Variants in KIF27 observed in about 807,000 individuals in gnomAD.
The protein encoded by KIF27 is kinesin family member 27.
A neutral mutation model predicts 141.8 loss-of-function variants in KIF27; 84 were observed. The observed-to-expected ratio is 0.59, with a 90% CI of 0.50 to 0.71. The LOEUF is 0.71. Among genes scored for constraint, KIF27 ranks in the 30% least tolerant of loss-of-function variants. The pLI, the probability that KIF27 is intolerant of heterozygous loss-of-function variation, is 0.00. For synonymous variants in KIF27, 471 were observed against 569.5 expected (o/e 0.83, Z 2.46); for missense variants, 1,306 against 1,628.4 (o/e 0.80, Z 3.41).
intron 3 of KIF27, 47 bp downstream of exon 3, chr9:83,908,405 C>T (rs754566273): frequency 1.5e-5 from 17 of 1,112,486 alleles, no homozygotes; most frequent in Non-Finnish European, 2.2e-5. Context: ...AGCATTAAAG[C>T]ATGTCTGTTT....
chr9:83,864,303 C>G (rs569380037), intron 13 of KIF27, among the ~76,000 whole-genome samples: 46 of 152,164 alleles, frequency 3.0e-4, no homozygotes, highest in African/African-American at 1.1e-3. Flanking sequence ...TTTCTCTTGT[C>G]GGCATTTAGT....
chr9:83,918,937 A>T (rs1419693210), intron 1 of KIF27, among the ~76,000 whole-genome samples: 1 of 152,146 alleles, frequency 6.6e-6, no homozygotes, highest in African/African-American at 2.4e-5. Flanking sequence ...TTAGACGGGC[A>T]TGGTGGTGGG....
intron 1 of KIF27, among the ~76,000 whole-genome samples, chr9:83,919,786 T>A (rs1588362533): frequency 6.6e-6 from 1 of 151,576 alleles, no homozygotes; most frequent in South Asian, 2.1e-4. Context: ...TCCCAGCTAC[T>A]CAGAAGGCTG....
At chr9:83,850,839 T>TC (rs1336394599) in intron 15 of KIF27, among the ~76,000 whole-genome samples, 2 of 112,306 alleles carry the variant, frequency 1.8e-5, no homozygotes, top group East Asian at 2.6e-4. Flanking sequence ...TCTTTTTTTT[T>TC]TTTTTTTTTT....
Position 83,835,580 on chromosome 9 carries a change from A to T in KIF27, c.*1421T>A, listed in dbSNP as rs1362863976. On this transcript the variant is annotated 3_prime_UTR_variant, in exon 18 of 18. Transcript: ENST00000297814. Reference sequence around the variant, plus strand: ...TGGTTTTTAGCAAGGAGACCAAGAAACTCTACTCCCTAGGGGCTAGCAATG... The same window carrying T: ...TGGTTTTTAGCAAGGAGACCAAGAATCTCTACTCCCTAGGGGCTAGCAATG... 3 of 152,106 alleles carry T rather than the reference A, an allele frequency of 2.0e-5. No homozygotes were observed. The highest frequency in any genetic ancestry group is 3.9e-4 in the East Asian group (2 of 5,188). 9.4% of individuals were successfully genotyped at this position (152,106 alleles called of 1,614,324 possible). A position where few individuals can be genotyped will look rare whatever the true frequency, so the allele number is the denominator to read the frequency against.
At chr9:83,873,095 T>A (rs1260965260) in intron 11 of KIF27, among the ~76,000 whole-genome samples, 1 of 152,152 alleles carries the variant, frequency 6.6e-6, no homozygotes, top group Non-Finnish European at 1.5e-5. Flanking sequence ...CCTAGTAGCC[T>A]CAGTAGGGGC....
intron 17 of KIF27, 162 bp from the exon 18 acceptor site, chr9:83,837,647 A>G (rs953882593): frequency 2.0e-4 from 111 of 552,752 alleles, no homozygotes; most frequent in Non-Finnish European, 2.0e-4. Context: ...ATGTGTGAAT[A>G]TGAATATTTT....
At chr9:83,885,621 GC>G (rs1952032487) in intron 9 of KIF27, among the ~76,000 whole-genome samples, 1 of 151,916 alleles carries the variant, frequency 6.6e-6, no homozygotes, top group Non-Finnish European at 1.5e-5. Context: ...AATATACAGT[GC>G]CAATTACAAC....
chr9:83,846,301 G>T (rs1947266479), intron 16 of KIF27, among the ~76,000 whole-genome samples: 1 of 152,192 alleles, frequency 6.6e-6, no homozygotes, highest in South Asian at 2.1e-4. Context: ...TATCCTGCAC[G>T]CAATGCTTCT....
chr9:83,845,734 T>C lies in KIF27; in HGVS notation c.3557-3333A>G, dbSNP rs556729694. Reference sequence around the variant, plus strand: ...TTGCATGGAAGGAGAAATGGCCAGATATGCGGTTATATACCAATTCATGGG... The same window carrying C: ...TTGCATGGAAGGAGAAATGGCCAGACATGCGGTTATATACCAATTCATGGG... On this transcript the variant is annotated intron_variant, in intron 16 of 17. Transcript: ENST00000297814. 4.6e-5 allele frequency among the ~76,000 whole-genome samples: 7 copies of C among 152,324 alleles called. No homozygotes were observed. The South Asian group carries it at 1.4e-3, about 32-fold the overall frequency.
intron 14 of KIF27, among the ~76,000 whole-genome samples, chr9:83,857,855 C>T (rs1949419405): frequency 6.6e-6 from 1 of 151,832 alleles, no homozygotes; most frequent in African/African-American, 2.4e-5. Context: ...AGCTGTAATA[C>T]ATTATCCACA....
At chr9:83,886,747 C>T (rs111289904) in intron 9 of KIF27, among the ~76,000 whole-genome samples, 1 of 151,970 alleles carries the variant, frequency 6.6e-6, no homozygotes, top group Non-Finnish European at 1.5e-5. Flanking sequence ...CAGAGTGAGA[C>T]CCTGTTTCAA....
chr9:83,837,086 C>T lies in KIF27; in HGVS notation c.4121G>A (p.Arg1374Gln). ...RQISALELSL[R>Q]RSSLGVGIGS... ...AATGCCAACTCCAAGACTGGAACGT[C>T]GCAATGATAGTTCCAAGGCGGAAAT... Residue 1374 changes from arginine to glutamine, a missense_variant, in exon 18 of 18, where the codon CGA becomes CAA. This residue lies in a region of KIF27 where 148 missense variants were observed against 250.9 expected (regional missense o/e 0.59). Transcript: ENST00000297814. 1 of 1,613,972 alleles carries T rather than the reference C, an allele frequency of 6.2e-7. No individual in the cohort carries two copies. Among genetic ancestry groups the T allele is most frequent in the Non-Finnish European group, 8.5e-7 (1 of 1,179,874 alleles).
intron 16 of KIF27, chr9:83,848,573 T>C (rs1948143156): frequency 6.8e-6 from 1 of 146,818 alleles, no homozygotes; most frequent in Non-Finnish European, 1.5e-5. Flanking sequence ...TATAGATCTA[T>C]ATATATCATA....
chr9:83,896,051 C>CAAAA (rs35504224), intron 5 of KIF27, among the ~76,000 whole-genome samples: 486 of 54,256 alleles, frequency 9.0e-3, no homozygotes, highest in Non-Finnish European at 0.011. Context: ...GACTCTGTCT[C>CAAAA]AAAAAAAAAA....
At chr9:83,870,270 G>A (rs1029103344) in intron 12 of KIF27, among the ~76,000 whole-genome samples, 2 of 152,082 alleles carry the variant, frequency 1.3e-5, no homozygotes, top group African/African-American at 4.8e-5. Flanking sequence ...GGGTTCAAGC[G>A]ATTCTCCTGC....
At chr9:83,918,558 G>A (rs1452304114) in intron 1 of KIF27, among the ~76,000 whole-genome samples, 1 of 152,100 alleles carries the variant, frequency 6.6e-6, no homozygotes, top group African/African-American at 2.4e-5. Flanking sequence ...ATCCGAAAAG[G>A]CAGTTCTTCA....
chr9:83,890,365 A>T lies in KIF27; in HGVS notation c.1809+930T>A, dbSNP rs1952556898. On this transcript the variant is annotated intron_variant, in intron 6 of 17. Coordinates refer to ENST00000297814, the MANE Select transcript of KIF27 (RefSeq NM_017576.4). ...GAATTCTTTAAGAAGAACCAACTCA[A>T]GAAGTACTGATCTAACAAATACAAC... Among the ~76,000 whole-genome samples, 3 of 152,172 alleles carry T rather than the reference A, an allele frequency of 2.0e-5. 1 individual carries two copies. The South Asian group carries it at 6.2e-4, about 32-fold the overall frequency.
intron 11 of KIF27, among the ~76,000 whole-genome samples, chr9:83,878,127 G>A (rs1356573682): frequency 4.0e-5 from 5 of 124,804 alleles, no homozygotes; most frequent in African/African-American, 1.2e-4. Flanking sequence ...TCACGCCACT[G>A]CACTCCAGCC....
Sources: allele counts gnomAD v4.1 joint callset (sites outside exome capture counted in the v4.1 genomes callset), GRCh38; gene constraint gnomAD v4.1.1; regional missense constraint gnomAD v4.1.1; transcripts MANE v1.5; gene names NCBI Gene and HGNC (gene_info 2026-07-23, HGNC 2026-07-21).